Variants in ADGRB3 observed in about 807,000 individuals in gnomAD.
The protein encoded by ADGRB3 is adhesion G protein-coupled receptor B3, also known as brain-specific angiogenesis inhibitor 3.
A neutral mutation model predicts 193.4 loss-of-function variants in ADGRB3; 37 were observed. The observed-to-expected ratio is 0.19, with a 90% CI of 0.15 to 0.25. The LOEUF (loss-of-function observed/expected upper bound fraction) is 0.25, where lower values mean the gene tolerates loss of function less well. Ranked by LOEUF, ADGRB3 falls within the 10% of genes least tolerant of loss-of-function variation. ADGRB3 has a pLI of 1.00. For missense variants in ADGRB3, 1,637 were observed against 1,852.9 expected, an observed-to-expected ratio of 0.88 and a Z score of 2.14; for synonymous variants, 690 against 644.2, an observed-to-expected ratio of 1.07 and a Z score of -1.08.
intron 20 of ADGRB3, among the ~76,000 whole-genome samples, chr6:69,271,635 T>C (rs890765975): frequency 2.0e-5 from 3 of 152,202 alleles, no homozygotes; most frequent in South Asian, 4.1e-4. Flanking sequence ...TTAAAACATA[T>C]TGTCTAACTT....
intron 13 of ADGRB3, among the ~76,000 whole-genome samples, chr6:69,019,157 C>T (rs1582398013): frequency 6.6e-6 from 1 of 152,042 alleles, no homozygotes; most frequent in East Asian, 1.9e-4. Flanking sequence ...AAAGAAATAG[C>T]CTTCTTAGTG....
At chr6:69,255,344 T>G (rs529854918) in intron 20 of ADGRB3, among the ~76,000 whole-genome samples, 1 of 152,138 alleles carries the variant, frequency 6.6e-6, no homozygotes, top group African/African-American at 2.4e-5. Flanking sequence ...AGTGTTCCTA[T>G]TTCTCCACAT....
At chr6:69,358,472 C>T (rs528234728) in intron 28 of ADGRB3, among the ~76,000 whole-genome samples, 4 of 152,058 alleles carry the variant, frequency 2.6e-5, no homozygotes, top group Admixed American at 6.6e-5. Context: ...ATCCCTAATA[C>T]AGGCCAGTGC....
intron 3 of ADGRB3, among the ~76,000 whole-genome samples, chr6:68,853,821 A>G (rs1392461408): frequency 1.3e-5 from 2 of 152,178 alleles, no homozygotes; most frequent in Non-Finnish European, 2.9e-5. Context: ...AATTTATTAG[A>G]AAGTTCACTT....
intron 13 of ADGRB3, among the ~76,000 whole-genome samples, chr6:69,028,368 G>T (rs755528569): frequency 1.3e-5 from 2 of 152,024 alleles, no homozygotes; most frequent in Admixed American, 1.3e-4. Context: ...TAATAAAAAC[G>T]TAAAAATAAG....
chr6:69,227,612 T>C lies in ADGRB3; in HGVS notation c.2481-5678T>C, dbSNP rs146308445. 2.6e-3 allele frequency among the ~76,000 whole-genome samples: 390 copies of C among 152,294 alleles called. 1 individual carries two copies. Among genetic ancestry groups the C allele is most frequent in the African/African-American group, 9.2e-3 (383 of 41,556 alleles). ...ATTAGGCAGAAAACATATTATTAGA[T>C]TGTGTATAGTCATCTGTCAGCTTCT... On this transcript the variant is annotated intron_variant, in intron 17 of 31. Transcript: ENST00000370598.
At position 69,130,525 on chromosome 6, in the gene ADGRB3, G is replaced by A. The variant is rs533467129; in HGVS notation, c.2480+54487G>A. Among the ~76,000 whole-genome samples, 248 of 147,944 alleles carry A rather than the reference G, an allele frequency of 1.7e-3. 2 individuals carry two copies. The highest frequency in any genetic ancestry group is 4.8e-3 in the Admixed American group (71 of 14,898). On this transcript the variant is annotated intron_variant, in intron 17 of 31. Coordinates refer to ENST00000370598, the MANE Select transcript of ADGRB3 (RefSeq NM_001704.3). ...TGAATTGACTAAAGTAGATTTGGAA[G>A]CCCCTCAACTGGGCTTCCAAATCTA... is the stretch of plus-strand genomic sequence containing the variant.
intron 3 of ADGRB3, among the ~76,000 whole-genome samples, chr6:68,710,876 T>C (rs1223830589): frequency 6.6e-6 from 1 of 152,138 alleles, no homozygotes; most frequent in African/African-American, 2.4e-5. Context: ...CTCCCTGTGT[T>C]CTTGACTCCC....
intron 17 of ADGRB3, among the ~76,000 whole-genome samples, chr6:69,228,736 ATCT>A (rs1225089491): frequency 2.0e-5 from 3 of 152,288 alleles, no homozygotes; most frequent in South Asian, 4.1e-4. Flanking sequence ...AGATCTTTAA[ATCT>A]TCTTATAATT....
chr6:69,064,577 A>T (rs1012275821), intron 16 of ADGRB3, among the ~76,000 whole-genome samples: 9 of 151,988 alleles, frequency 5.9e-5, no homozygotes, highest in Non-Finnish European at 1.3e-4. Flanking sequence ...TGTATTCAAA[A>T]TTTTTTACAA....
intron 3 of ADGRB3, among the ~76,000 whole-genome samples, chr6:68,641,042 TC>T (rs1267473661): frequency 6.6e-6 from 1 of 152,160 alleles, no homozygotes; most frequent in Non-Finnish European, 1.5e-5. Context: ...CTAATTAGTG[TC>T]CCCTAGAATA....
At chr6:68,642,999 C>T (rs1768116718) in intron 3 of ADGRB3, among the ~76,000 whole-genome samples, 1 of 152,132 alleles carries the variant, frequency 6.6e-6, no homozygotes, top group Non-Finnish European at 1.5e-5. Flanking sequence ...TATCTTATTT[C>T]TTACCACTTC....
chr6:68,692,633 A>G lies in ADGRB3; in HGVS notation c.757+53201A>G, dbSNP rs1026304089. 2.6e-5 allele frequency among the ~76,000 whole-genome samples: 4 copies of G among 151,892 alleles called. No individual in the cohort carries two copies. The East Asian group carries it at 5.8e-4, about 22-fold the overall frequency. ...AATACACATTTACTAGCAATGTTCA[A>G]TAACCTCCAATAGGCAATATTAGTC... On this transcript the variant is annotated intron_variant, in intron 3 of 31. Transcript: ENST00000370598.
intron 17 of ADGRB3, among the ~76,000 whole-genome samples, chr6:69,095,543 T>C (rs1412581828): frequency 3.9e-5 from 6 of 152,206 alleles, no homozygotes; most frequent in African/African-American, 1.4e-4. Context: ...TAGCAAATGA[T>C]ATTAAAGTCC....
chr6:69,228,046 A>G (rs909991580), intron 17 of ADGRB3, among the ~76,000 whole-genome samples: 2 of 152,202 alleles, frequency 1.3e-5, no homozygotes, highest in African/African-American at 4.8e-5. Context: ...ACCTGAGGTC[A>G]GGAGTTTGAT....
At chr6:68,798,410 G>T (rs954936577) in intron 3 of ADGRB3, among the ~76,000 whole-genome samples, 4 of 151,932 alleles carry the variant, frequency 2.6e-5, no homozygotes, top group Non-Finnish European at 5.9e-5. Context: ...AATACAGAAT[G>T]CAACAGTAGA....
intron 17 of ADGRB3, among the ~76,000 whole-genome samples, chr6:69,087,998 T>C (rs1381874355): frequency 6.6e-6 from 1 of 152,200 alleles, no homozygotes; most frequent in Admixed American, 6.5e-5. Flanking sequence ...GAAAATCTAT[T>C]TTCTATAGTT....
chr6:68,909,161 T>G (rs533179313), intron 3 of ADGRB3, among the ~76,000 whole-genome samples: 1 of 152,320 alleles, frequency 6.6e-6, no homozygotes, highest in South Asian at 2.1e-4. Flanking sequence ...TCTTGTTATA[T>G]GTGCTTCCTC....
At chr6:69,386,630 C>T (rs2127243285) in intron 31 of ADGRB3, among the ~76,000 whole-genome samples, 1 of 152,200 alleles carries the variant, frequency 6.6e-6, no homozygotes, top group Non-Finnish European at 1.5e-5. Flanking sequence ...TGCTTTTCTG[C>T]TATTCTCTTT....
Sources: allele counts gnomAD v4.1 joint callset (sites outside exome capture counted in the v4.1 genomes callset), GRCh38; gene constraint gnomAD v4.1.1; transcripts MANE v1.5; gene names NCBI Gene and HGNC (gene_info 2026-07-23, HGNC 2026-07-21).